Variants in MUC5AC observed in about 807,000 individuals in gnomAD.
MUC5AC encodes the protein mucin-5AC.
In MUC5AC, 158 loss-of-function variants were observed where a neutral mutation model predicts 169.7. The ratio of observed to expected loss-of-function variants is 0.93; its 90% CI spans 0.82 to 1.06. The LOEUF (loss-of-function observed/expected upper bound fraction) is 1.06, where lower values mean the gene tolerates loss of function less well. Among genes scored for constraint, MUC5AC ranks in the 50% least tolerant of loss-of-function variants. The probability of loss-of-function intolerance (pLI) is 0.00; values close to 1 mark genes in which losing one functional copy is unlikely to be tolerated. For synonymous variants in MUC5AC, 1,975 were observed against 1,237.0 expected (o/e 1.60, Z -12.52); for missense variants, 4,359 against 3,089.9 (o/e 1.41, Z -9.74).
intron 2 of MUC5AC, 143 bp from the exon 3 acceptor site, chr11:1,161,384 G>A (rs1860135642): frequency 3.6e-6 from 2 of 558,454 alleles, no homozygotes; most frequent in East Asian, 3.2e-5. Flanking sequence ...GTGGGTGGGA[G>A]GGGGCCCAAC....
rs1302261029 is a variant in MUC5AC, at chr11:1,178,477, G to A, written c.3121G>A (p.Asp1041Asn). The A allele has an allele frequency of 5.3e-6, 5 of 936,016 alleles. No homozygotes were observed. The Middle Eastern group carries it at 7.0e-4, about 131-fold the overall frequency. 58.0% of individuals were successfully genotyped at this position (936,016 alleles called of 1,614,324 possible). A position where few individuals can be genotyped will look rare whatever the true frequency, so the allele number is the denominator to read the frequency against. ...CTGCGGCCTGTGTGGGAACTTCGACGACATCGCCGTTAATGACTTTGCCAC... is the reference window on the plus strand; with the variant it reads ...CTGCGGCCTGTGTGGGAACTTCGACAACATCGCCGTTAATGACTTTGCCAC... ...RVCGLCGNFD[D>N]IAVNDFATRS... Residue 1041 changes from aspartate (D) to asparagine (N), a missense_variant, in exon 25 of 49, where the codon GAC becomes AAC. By Grantham distance (23) the Asp-to-Asn change is conservative. Coordinates refer to ENST00000621226, the MANE Select transcript of MUC5AC (RefSeq NM_001304359.2).
At chr11:1,178,891 G>A (rs1260176260) in intron 25 of MUC5AC, among the ~76,000 whole-genome samples, 2 of 152,200 alleles carry the variant, frequency 1.3e-5, no homozygotes, top group Non-Finnish European at 2.9e-5. Context: ...CCTGGGGGGT[G>A]TTAACCCCAA....
Position 1,182,746 on chromosome 11 carries a change from A to G in MUC5AC, c.4601A>G (p.Lys1534Arg), listed in dbSNP as rs1487524818. ...TPAPGTATSVKKTFSTPSPPP... is the reference protein window; with the variant it reads ...TPAPGTATSVRKTFSTPSPPP... ...GCCCCAGGTACCGCTACCTCTGTCA[A>G]AAAAACTTTCTCAACTCCCAGCCCT... The change falls in exon 31 of 49, where the codon AAA becomes AGA. Residue 1534 changes from lysine (K) to arginine (R), a missense_variant. Transcript: ENST00000621226. 314 of 398,340 alleles carry G rather than the reference A, an allele frequency of 7.9e-4. 1 individual carries two copies. Among genetic ancestry groups the G allele is most frequent in the African/African-American group, 6.0e-3 (294 of 48,676 alleles). 24.7% of individuals were successfully genotyped at this position (398,340 alleles called of 1,614,324 possible).
In MUC5AC at chr11:1,165,862, G is replaced by T. The variant is rs765514061; in HGVS notation, c.1386+102G>T. 664 of 1,539,740 alleles carry T rather than the reference G, an allele frequency of 4.3e-4. 1 individual carries two copies. Among genetic ancestry groups the T allele is most frequent in the Non-Finnish European group, 5.7e-4 (643 of 1,137,596 alleles). ...GCTGCATGTCACTGCTGCCCCTGGGGTCACCCTTGGGGGTCCCCGATGTTG... is the reference window on the plus strand; with the variant it reads ...GCTGCATGTCACTGCTGCCCCTGGGTTCACCCTTGGGGGTCCCCGATGTTG... On this transcript the variant is annotated intron_variant, in intron 11 of 48. Coordinates refer to ENST00000621226, the MANE Select transcript of MUC5AC (RefSeq NM_001304359.2).
chr11:1,187,555 C>G lies in MUC5AC; in HGVS notation c.9410C>G (p.Thr3137Arg). 2.7e-6 allele frequency: 2 copies of G among 752,568 alleles called. No individual in the cohort carries two copies. The highest frequency in any genetic ancestry group is 2.7e-5 in the South Asian group (2 of 72,916). 46.6% of individuals were successfully genotyped at this position (752,568 alleles called of 1,614,324 possible). A position where few individuals can be genotyped will look rare whatever the true frequency, so the allele number is the denominator to read the frequency against. Reference sequence around the variant, plus strand: ...ACCACCAGCACAACCTCTCCTCCTACAACCAGCACAACTTCTGCCTCTACA... The same window carrying G: ...ACCACCAGCACAACCTCTCCTCCTAGAACCAGCACAACTTCTGCCTCTACA... ...IPTTSTTSPP[T>R]TSTTSASTAS... Residue 3137 changes from threonine to arginine, a missense_variant, in exon 31 of 49, where the codon ACA becomes AGA. Coordinates refer to ENST00000621226, the MANE Select transcript of MUC5AC (RefSeq NM_001304359.2).
In MUC5AC at chr11:1,162,042, A is replaced by G. The variant is rs757936122; in HGVS notation, c.347A>G (p.Glu116Gly). The G allele has an allele frequency of 6.2e-7, 1 of 1,612,602 alleles. No individual in the cohort carries two copies. Residue 116 changes from glutamate (E) to glycine (G), a missense_variant, in exon 4 of 49, where the codon GAG becomes GGG. Physicochemically the swap from Glu to Gly is moderately conservative, Grantham distance 98. Transcript: ENST00000621226. ...TCCGAGCACTGCGGTGCCGCCTACG[A>G]GGATTTTAACATCCAGCTACGCCGC... ...VFSEHCGAAYEDFNIQLRRSQ... is the reference protein window; with the variant it reads ...VFSEHCGAAYGDFNIQLRRSQ...
intron 11 of MUC5AC, among the ~76,000 whole-genome samples, chr11:1,166,389 A>C (rs28699476): frequency 1.0e-5 from 1 of 96,758 alleles, no homozygotes; most frequent in Non-Finnish European, 2.1e-5. Context: ...GTCTCTCCAC[A>C]ATGAGACCCT....
Position 1,194,338 on chromosome 11 carries a change from T to A in MUC5AC, c.14984T>A (p.Val4995Asp). 1.4e-6 allele frequency: 1 copy of A among 736,434 alleles called. No homozygotes were observed. The allele number at this position is 736,434 out of a possible 1,614,324, so 45.6% of individuals were successfully genotyped here. Residue 4995 changes from valine (V) to aspartate (D), a missense_variant, in exon 34 of 49, where the codon GTC becomes GAC. Physicochemically the swap from Val to Asp is radical, Grantham distance 152. Coordinates refer to ENST00000621226, the MANE Select transcript of MUC5AC (RefSeq NM_001304359.2). ...CGCGTGGTGCTGACCCGCAAGCCAG[T>A]CCACGGGGTGATGACAAACGAGGTG... ...QDRVVLTRKP[V>D]HGVMTNEIIF...
At position 1,165,685 on chromosome 11, in the gene MUC5AC, T is replaced by G; in HGVS notation, c.1311T>G (p.Leu437=). The G allele has an allele frequency of 6.2e-7, 1 of 1,612,524 alleles. No homozygotes were observed. Among genetic ancestry groups the G allele is most frequent in the Non-Finnish European group, 8.5e-7 (1 of 1,179,766 alleles). The part of the protein sequence containing the change: ...EVPCPGTCSV[L]GGAHFSTFDG... ...CATGCCCGGGTACCTGCTCTGTGCT[T>G]GGAGGTGCCCACTTCTCAACGTTTG... Residue 437 remains leucine (L), a synonymous_variant, in exon 11 of 49, where the codon CTT becomes CTG. Transcript: ENST00000621226.
intron 11 of MUC5AC, 25 bp downstream of exon 11, chr11:1,165,785 T>C: frequency 1.2e-6 from 2 of 1,610,164 alleles, no homozygotes; most frequent in South Asian, 2.2e-5. Context: ...CCTGGGGTGC[T>C]CGCCGGACAG....
At position 1,178,608 on chromosome 11, in the gene MUC5AC, C is replaced by A. The variant is rs1245671257; in HGVS notation, c.3252C>A (p.Asn1084Lys). ...ALAPKDPCTA[N>K]PFRKSWAQKQ... ...CGCCCAAGGACCCCTGCACGGCCAA[C>A]CCCTTCCGCAAGTCCTGGGCCCAGA... Residue 1084 changes from asparagine (N) to lysine (K), a missense_variant, in exon 25 of 49, where the codon AAC becomes AAA. By Grantham distance (94) the Asn-to-Lys change is moderately conservative. Transcript: ENST00000621226. 2.1e-6 allele frequency: 3 copies of A among 1,407,366 alleles called. No individual in the cohort carries two copies. Among genetic ancestry groups the A allele is most frequent in the Non-Finnish European group, 2.8e-6 (3 of 1,069,744 alleles). The allele number at this position is 1,407,366 out of a possible 1,614,324, so 87.2% of individuals were successfully genotyped here.
At chr11:1,170,406 C>A (rs1160601759) in intron 15 of MUC5AC, among the ~76,000 whole-genome samples, 1 of 139,288 alleles carries the variant, frequency 7.2e-6, no homozygotes, top group Non-Finnish European at 1.6e-5. Context: ...TTCACCCACT[C>A]ACCTACTCAC....
At position 1,189,590 on chromosome 11, in the gene MUC5AC, A is replaced by G; in HGVS notation, c.11445A>G (p.Thr3815=). 1 of 610,020 alleles carries G rather than the reference A, an allele frequency of 1.6e-6. No homozygotes were observed. Among genetic ancestry groups the G allele is most frequent in the Non-Finnish European group, 2.9e-6 (1 of 343,076 alleles). 37.8% of individuals were successfully genotyped at this position (610,020 alleles called of 1,614,324 possible). ...CAATCTCTTCCCCTACAACCAGCAC[A>G]ACCTCCACTCCGCAGACCAGCACAA... ...TSTISSPTTS[T]TSTPQTSTTS... The change falls in exon 31 of 49, where the codon ACA becomes ACG. Residue 3815 remains threonine (T), a synonymous_variant. Transcript: ENST00000621226.
Position 1,182,713 on chromosome 11 carries a change from C to T in MUC5AC, c.4568C>T (p.Thr1523Met), listed in dbSNP as rs1383307324. The T allele has an allele frequency of 5.7e-4, 229 of 398,592 alleles. No individual in the cohort carries two copies. Among genetic ancestry groups the T allele is most frequent in the African/African-American group, 3.9e-3 (192 of 48,738 alleles). 24.7% of individuals were successfully genotyped at this position (398,592 alleles called of 1,614,324 possible). A position where few individuals can be genotyped will look rare whatever the true frequency, so the allele number is the denominator to read the frequency against. The change falls in exon 31 of 49, where the codon ACG (threonine) becomes ATG (methionine). Residue 1523 changes from threonine (T) to methionine (M), a missense_variant. By Grantham distance (81) the Thr-to-Met change is moderately conservative. Coordinates refer to ENST00000621226, the MANE Select transcript of MUC5AC (RefSeq NM_001304359.2). ...ACCGTGTCTCTCTCTACAGCCAGGA[C>T]GACACCTGCCCCAGGTACCGCTACC... ...PGTVSLSTARTTPAPGTATSV... is the reference protein window; with the variant it reads ...PGTVSLSTARMTPAPGTATSV...
intron 11 of MUC5AC, among the ~76,000 whole-genome samples, chr11:1,166,590 C>T (rs1860341730): frequency 3.0e-5 from 1 of 33,528 alleles, no homozygotes. Context: ...GACACACAGT[C>T]TCTGCACGAT....
rs1379570399 is a variant in MUC5AC, at chr11:1,190,214, G to C, written c.12069G>C (p.Arg4023=). Reference sequence around the variant, plus strand: ...TGGGCCAGGTGGTGCAGTGCAGCCGGGAAGAGGGCCTGGTGTGCCGGAACC... The same window carrying C: ...TGGGCCAGGTGGTGCAGTGCAGCCGCGAAGAGGGCCTGGTGTGCCGGAACC... ...EHLGQVVQCS[R]EEGLVCRNQD... Residue 4023 remains arginine, a synonymous_variant, in exon 31 of 49, where the codon CGG becomes CGC. Transcript: ENST00000621226. 102,880 of 733,998 alleles carry C rather than the reference G, an allele frequency of 0.14. 621 individuals are homozygous for C. The highest frequency in any genetic ancestry group is 0.17 in the Non-Finnish European group (69,858 of 402,996). 45.5% of individuals were successfully genotyped at this position (733,998 alleles called of 1,614,324 possible).
At position 1,183,802 on chromosome 11, in the gene MUC5AC, C is replaced by T. The variant is rs1860864865; in HGVS notation, c.5657C>T (p.Pro1886Leu). Residue 1886 changes from proline (P) to leucine (L), a missense_variant, in exon 31 of 49, where the codon CCT becomes CTT. Pro to Leu is a moderately conservative substitution (Grantham distance 98). Coordinates refer to ENST00000621226, the MANE Select transcript of MUC5AC (RefSeq NM_001304359.2). ...ASGSSAPSST[P>L]GTVSLSTART... is the part of the protein sequence containing the mutation. ...GGCTCCTCAGCCCCCAGCAGCACACCTGGCACCGTGTCTCTCTCTACAGCC... is the reference window on the plus strand; with the variant it reads ...GGCTCCTCAGCCCCCAGCAGCACACTTGGCACCGTGTCTCTCTCTACAGCC... The T allele has an allele frequency of 1.4e-5, 6 of 430,560 alleles. No homozygotes were observed. In the South Asian group the frequency reaches 2.5e-4, roughly 18 times the overall value. 26.7% of individuals were successfully genotyped at this position (430,560 alleles called of 1,614,324 possible).
At chr11:1,199,648 G>A (rs748554722) in intron 46 of MUC5AC, 47 bp from the exon 47 acceptor site, 2 of 700,848 alleles carry the variant, frequency 2.9e-6, no homozygotes, top group Non-Finnish European at 5.2e-6. Flanking sequence ...ACTTCTGTGG[G>A]GGCCGCCGAG....
In MUC5AC at chr11:1,199,748, G is replaced by A. The variant is rs529672324; in HGVS notation, c.16569G>A (p.Pro5523=). ...GCTGCCGCTTCTGCCCGCCGCCCCC[G>A]CCCCCGTACCAGAACCGTGAGTACC... ...DGCCRFCPPP[P]PPYQNQSTCA... Residue 5523 remains proline (P), a synonymous_variant, in exon 47 of 49, where the codon CCG becomes CCA. Transcript: ENST00000621226. 8.4e-6 allele frequency: 6 copies of A among 712,598 alleles called. No individual in the cohort carries two copies. The highest frequency in any genetic ancestry group is 1.7e-5 in the African/African-American group (1 of 57,754). 44.1% of individuals were successfully genotyped at this position (712,598 alleles called of 1,614,324 possible).
Sources: gnomAD v4.1 joint callset for allele counts (sites outside exome capture counted in the v4.1 genomes callset) on GRCh38, gnomAD v4.1.1 for gene constraint, MANE v1.5 for transcripts, NCBI Gene and HGNC (gene_info 2026-07-23, HGNC 2026-07-21) for gene names.